POMT1: variants seen among roughly 807,000 people sequenced by gnomAD.
POMT1 encodes protein O-mannosyl-transferase 1.
POMT1 carries 85 observed loss-of-function variants against 101.6 expected under a neutral mutation model. The ratio of observed to expected loss-of-function variants is 0.84; its 90% CI spans 0.70 to 1.00. POMT1 has a LOEUF of 1.00. Ranked by LOEUF, POMT1 falls within the 50% of genes least tolerant of loss-of-function variation. The pLI, the probability that POMT1 is intolerant of heterozygous loss-of-function variation, is 0.00. For synonymous variants in POMT1, 371 were observed against 383.0 expected, an observed-to-expected ratio of 0.97 and a Z score of 0.37; for missense variants, 857 against 930.4, an observed-to-expected ratio of 0.92 and a Z score of 1.03.
intron 9 of POMT1, chr9:131,510,974 GC>G: frequency 1.1e-5 from 3 of 261,000 alleles, no homozygotes; most frequent in South Asian, 5.0e-5. Flanking sequence ...CCTGCCGACG[GC>G]CAGTGCTGTA....
chr9:131,505,687 G>A (rs1007128936), intron 2 of POMT1, among the ~76,000 whole-genome samples: 12 of 131,820 alleles, frequency 9.1e-5, no homozygotes, highest in African/African-American at 3.1e-4. Context: ...TGATTCCCAC[G>A]TTTTCCTTTC....
chr9:131,508,304 G>T (rs1588357567), intron 5 of POMT1, among the ~76,000 whole-genome samples: 1 of 151,848 alleles, frequency 6.6e-6, no homozygotes, highest in African/African-American at 2.4e-5. Flanking sequence ...AGGCTGAGGC[G>T]GGTGGATCAC....
chr9:131,514,828 T>C (rs1947941342), intron 12 of POMT1, among the ~76,000 whole-genome samples: 2 of 152,196 alleles, frequency 1.3e-5, no homozygotes, highest in Non-Finnish European at 2.9e-5. Flanking sequence ...TGGTGGCATG[T>C]GCCTGTAATC....
Position 131,523,083 on chromosome 9 carries a change from G to A in POMT1, c.2155G>A (p.Asp719Asn). 6.2e-7 allele frequency: 1 copy of A among 1,611,498 alleles called. No individual in the cohort carries two copies. The highest frequency in any genetic ancestry group is 1.1e-5 in the South Asian group (1 of 90,884). ...LKALRWKDSWDILIRKH is the reference protein window; with the variant it reads ...LKALRWKDSWNILIRKH ...GGCCCTTCGCTGGAAAGACAGCTGGGACATCTTGATCCGAAAACACTAGAA... is the reference window on the plus strand; with the variant it reads ...GGCCCTTCGCTGGAAAGACAGCTGGAACATCTTGATCCGAAAACACTAGAA... Residue 719 changes from aspartate to asparagine, a missense_variant, in exon 20 of 20, where the codon GAC becomes AAC. Asp to Asn is a conservative substitution (Grantham distance 23). Coordinates refer to ENST00000402686, the MANE Select transcript of POMT1 (RefSeq NM_001077365.2).
In POMT1 at chr9:131,508,927, T is replaced by G. The variant is rs1239152359; in HGVS notation, c.444T>G (p.Thr148=). ...LLMLIENALI[T]QSRLMLLESV... is the part of the protein sequence containing the mutation. ...TTGAAACAGAGAATGCTCTCATCAC[T>G]CAGTCAAGGCTAATGCTTTTGGAAT... Residue 148 remains threonine, a synonymous_variant, in exon 6 of 20, where the codon ACT becomes ACG. Transcript: ENST00000402686. 1 of 1,612,608 alleles carries G rather than the reference T, an allele frequency of 6.2e-7. No individual in the cohort carries two copies. The highest frequency in any genetic ancestry group is 8.5e-7 in the Non-Finnish European group (1 of 1,178,578).
rs113330289 is a variant in POMT1 at position 131,515,718 on chromosome 9, C to T, written c.1272+196C>T. 5.1e-3 allele frequency among the ~76,000 whole-genome samples: 662 copies of T among 130,174 alleles called. 16 individuals carry two copies. Among genetic ancestry groups the T allele is most frequent in the African/African-American group, 0.017 (613 of 36,150 alleles). 85.4% of individuals were successfully genotyped at this position (130,174 alleles called of 152,430 possible). ...TCCTCACACGGAACACTTCCTCACA[C>T]GGAGCACTTCCTGTAACAGGACACT... On this transcript the variant is annotated intron_variant, in intron 13 of 19. Transcript: ENST00000402686.
intron 3 of POMT1, 36 bp from the exon 4 acceptor site, chr9:131,506,367 T>C (rs750429114): frequency 1.3e-6 from 2 of 1,599,198 alleles, no homozygotes; most frequent in South Asian, 1.1e-5. Flanking sequence ...AAATATTTGC[T>C]GAATGGGATA....
At chr9:131,512,248 C>G in intron 11 of POMT1, 112 bp downstream of exon 11, 1 of 1,531,652 alleles carries the variant, frequency 6.5e-7, no homozygotes, top group Non-Finnish European at 8.8e-7. Context: ...TGACTCTAGT[C>G]ACCGTCATGG....
intron 13 of POMT1, among the ~76,000 whole-genome samples, chr9:131,516,030 AGCACTTC>A (rs1266468791): frequency 2.7e-4 from 28 of 103,600 alleles, no homozygotes; most frequent in Middle Eastern, 9.6e-3. Flanking sequence ...CCTCACACGG[AGCACTTC>A]CTCACACGGA....
intron 13 of POMT1, among the ~76,000 whole-genome samples, chr9:131,516,330 ACACCTCCTCACACGGAG>A (rs1564370065): frequency 7.1e-6 from 1 of 140,128 alleles, no homozygotes; most frequent in African/African-American, 2.7e-5. Flanking sequence ...CTCACACGGA[ACACCTCCTCACACGGAG>A]CACTTCCTCA....
Position 131,506,412 on chromosome 9 carries a change from G to T in POMT1, c.239G>T (p.Gly80Val). Residue 80 changes from glycine to valine, a missense_variant, in exon 4 of 20, where the codon GGA becomes GTA. By Grantham distance (109) the Gly-to-Val change is moderately radical. Transcript: ENST00000402686. ...HMVLALGGYL[G>V]GFDGNFLWNR... ...TAATCTTCTGTTTCAGGTTATTTAG[G>T]AGGATTCGATGGCAATTTTTTGTGG... is the stretch of plus-strand genomic sequence containing the variant. 1 of 1,613,098 alleles carries T rather than the reference G, an allele frequency of 6.2e-7. No individual in the cohort carries two copies. The highest frequency in any genetic ancestry group is 1.3e-5 in the African/African-American group (1 of 75,018).
In POMT1 at chr9:131,523,137, G is replaced by A. The variant is rs1203414825; in HGVS notation, c.*31G>A. The A allele has an allele frequency of 6.2e-7, 1 of 1,604,604 alleles. No homozygotes were observed. The highest frequency in any genetic ancestry group is 8.5e-7 in the Non-Finnish European group (1 of 1,177,788). On this transcript the variant is annotated 3_prime_UTR_variant, in exon 20 of 20. Transcript: ENST00000402686. ...GAGTGTGGCAAAGAACACCCGTGCT[G>A]GGGTCGGGATGAGGTTGAAGGGTCT... is the stretch of plus-strand genomic sequence containing the variant.
chr9:131,514,150 C>T (rs761383483), intron 12 of POMT1, among the ~76,000 whole-genome samples: 3 of 152,194 alleles, frequency 2.0e-5, no homozygotes, highest in Non-Finnish European at 4.4e-5. Context: ...GGGTAGGGGT[C>T]CTTCCTTCTC....
At chr9:131,518,138 A>G (rs1214027530) in intron 13 of POMT1, 2 of 428,650 alleles carry the variant, frequency 4.7e-6, no homozygotes, top group East Asian at 1.1e-4. Context: ...CAGGGCTCTG[A>G]GCCCTATGAA....
chr9:131,511,545 T>C, intron 10 of POMT1, 78 bp downstream of exon 10: 1 of 1,583,696 alleles, frequency 6.3e-7, no homozygotes. Context: ...CAACTTTCCC[T>C]TTCTTTGAGG....
rs1453463095 is a variant in POMT1 at position 131,503,282 on chromosome 9, GAGGA to G, written c.-31+213_-31+216del. The stretch of plus-strand genomic sequence containing the variant: ...ACTCCGTGGCGCGTGCAGCCCTAGG[GAGGA>G]AGGGCGTGCTGCGGGTGCAGTCTCA... On this transcript the variant is annotated intron_variant, in intron 1 of 19. Transcript: ENST00000402686. This position sits in a 1 kb window ranked among gnomAD's most constrained non-coding sequence, Gnocchi z 4.4. The G allele has an allele frequency of 6.5e-6, 1 of 152,690 alleles. No individual in the cohort carries two copies. Among genetic ancestry groups the G allele is most frequent in the Non-Finnish European group, 1.5e-5 (1 of 68,396 alleles). 9.5% of individuals were successfully genotyped at this position (152,690 alleles called of 1,614,324 possible).
At chr9:131,517,167 G>C (rs116946133) in intron 13 of POMT1, among the ~76,000 whole-genome samples, 1 of 151,780 alleles carries the variant, frequency 6.6e-6, no homozygotes, top group Admixed American at 6.6e-5. Flanking sequence ...GCCCTGTTTC[G>C]CTTGACAGAG....
rs1950265792 is a variant in POMT1, at chr9:131,522,961, CCCTGGTGGTGG to C, written c.2040_2050del (p.Val681LeufsTer24). 1.3e-6 allele frequency: 2 copies of C among 1,599,996 alleles called. No homozygotes were observed. Among genetic ancestry groups the C allele is most frequent in the Non-Finnish European group, 1.7e-6 (2 of 1,175,094 alleles). ...CAGCTCCAGAGGAGCATCTTCAGCG[CCCTGGTGGTGG>C]CCTGGTACTCCTCCGCGTGCCACGT... On this transcript the variant is annotated frameshift_variant, in exon 20 of 20. Coordinates refer to ENST00000402686, the MANE Select transcript of POMT1 (RefSeq NM_001077365.2). LOFTEE classifies it high-confidence loss of function. This position sits in a 1 kb window ranked among gnomAD's most constrained non-coding sequence, Gnocchi z 5.5.
Position 131,513,240 on chromosome 9 carries a change from C to T in POMT1, c.1084C>T (p.His362Tyr). 1.2e-6 allele frequency: 2 copies of T among 1,613,000 alleles called. No individual in the cohort carries two copies. Among genetic ancestry groups the T allele is most frequent in the East Asian group, 2.2e-5 (1 of 44,874 alleles). ...NWWIVKDPRR[H>Y]QLVVSSPPRP... ...TCCCGACAGCACTGTGTCTTCCAGG[C>T]ACCAGCTGGTGGTGAGCAGCCCTCC... Residue 362 changes from histidine to tyrosine, a missense_variant and splice_region_variant, in exon 12 of 20, where the codon CAC (histidine) becomes TAC (tyrosine). Coordinates refer to ENST00000402686, the MANE Select transcript of POMT1 (RefSeq NM_001077365.2).
Sources: allele counts gnomAD v4.1 joint callset (sites outside exome capture counted in the v4.1 genomes callset), GRCh38; gene constraint gnomAD v4.1.1; non-coding constraint Gnocchi (gnomAD v3.1); transcripts MANE v1.5; gene names NCBI Gene and HGNC (gene_info 2026-07-23, HGNC 2026-07-21).